The following FBXL13 variants were observed in gnomAD, a reference collection of about 807,000 sequenced individuals.
FBXL13 encodes the protein F-box and leucine rich repeat protein 13.
FBXL13 carries 67 observed loss-of-function variants against 83.6 expected under a neutral mutation model. The observed-to-expected ratio is 0.80, with a 90% CI of 0.66 to 0.98. The LOEUF is 0.98. Among genes scored for constraint, FBXL13 ranks in the 50% least tolerant of loss-of-function variants. FBXL13 has a pLI of 0.00. For synonymous variants in FBXL13, 272 were observed against 299.5 expected (o/e 0.91, Z 0.95); for missense variants, 822 against 866.5 (o/e 0.95, Z 0.64).
chr7:102,842,436 G>C (rs1043761010), intron 17 of FBXL13, among the ~76,000 whole-genome samples: 4 of 152,202 alleles, frequency 2.6e-5, no homozygotes, highest in African/African-American at 9.7e-5. Flanking sequence ...ATGTGTCAAA[G>C]GCTACCAAAA....
At chr7:103,006,195 G>A (rs763960900) in intron 6 of FBXL13, among the ~76,000 whole-genome samples, 3 of 152,192 alleles carry the variant, frequency 2.0e-5, no homozygotes, top group Non-Finnish European at 4.4e-5. Flanking sequence ...AGATCTTGGA[G>A]TTCAAGTTTG....
At chr7:102,835,799 C>T (rs1039688000) in intron 17 of FBXL13, among the ~76,000 whole-genome samples, 8 of 150,968 alleles carry the variant, frequency 5.3e-5, no homozygotes, top group South Asian at 2.1e-4. Flanking sequence ...TTAGTAGAGA[C>T]GGGGTTTCAC....
intron 6 of FBXL13, among the ~76,000 whole-genome samples, chr7:103,003,182 TG>T (rs1254674925): frequency 6.6e-6 from 1 of 152,042 alleles, no homozygotes; most frequent in African/African-American, 2.4e-5. Flanking sequence ...ATTCTGCTAT[TG>T]AGAGCCTCTA....
At chr7:103,039,432 C>T (rs903456026) in intron 2 of FBXL13, among the ~76,000 whole-genome samples, 1 of 152,142 alleles carries the variant, frequency 6.6e-6, no homozygotes, top group Non-Finnish European at 1.5e-5. Flanking sequence ...ACTTCCCTAA[C>T]CTAGCAAGGC....
Position 102,874,260 on chromosome 7 carries a change from G to A in FBXL13, c.1635+3207C>T, listed in dbSNP as rs6963802. On this transcript the variant is annotated intron_variant, in intron 16 of 19. Transcript: ENST00000313221. Reference sequence around the variant, plus strand: ...ACTTACTCAGACCTATAATCAATCAGGCTGGTGTTTAGCTGCCCAAGTTGA... The same window carrying A: ...ACTTACTCAGACCTATAATCAATCAAGCTGGTGTTTAGCTGCCCAAGTTGA... The A allele has an allele frequency of 8.2e-4, 627 of 768,530 alleles. 3 individuals carry two copies. In the African/African-American group the frequency reaches 0.011, roughly 14 times the overall value. The allele number at this position is 768,530 out of a possible 1,614,324, so 47.6% of individuals were successfully genotyped here.
intron 17 of FBXL13, among the ~76,000 whole-genome samples, chr7:102,837,558 A>T (rs1802216938): frequency 6.6e-6 from 1 of 152,148 alleles, no homozygotes; most frequent in African/African-American, 2.4e-5. Context: ...AAATTCTTAT[A>T]AGCTTTTCTT....
chr7:102,975,789 A>G lies in FBXL13; in HGVS notation c.496-7672T>C, dbSNP rs904696194. On this transcript the variant is annotated intron_variant, in intron 6 of 19. Coordinates refer to ENST00000313221, the Ensembl canonical transcript of FBXL13. ...TTGACAACAGCCCTCAAACCCCACAACGAGACTTTCTTAATTTAGCCTTCA... is the reference window on the plus strand; with the variant it reads ...TTGACAACAGCCCTCAAACCCCACAGCGAGACTTTCTTAATTTAGCCTTCA... 4 of 597,374 alleles carry G rather than the reference A, an allele frequency of 6.7e-6. No homozygotes were observed. In the African/African-American group the frequency reaches 7.4e-5, roughly 11 times the overall value. The allele number at this position is 597,374 out of a possible 1,614,324, so 37.0% of individuals were successfully genotyped here.
At chr7:102,921,175 A>G (rs1816938432) in intron 10 of FBXL13, among the ~76,000 whole-genome samples, 1 of 152,148 alleles carries the variant, frequency 6.6e-6, no homozygotes, top group South Asian at 2.1e-4. Context: ...TTCAAGGCAA[A>G]GAAACATCAA....
At chr7:102,822,079 AGTT>A in exon 19 of FBXL13, 1 of 1,614,214 alleles carries the variant, frequency 6.2e-7, no homozygotes, top group Non-Finnish European at 8.5e-7. Flanking sequence ...AAGGATCCGG[AGTT>A]GTTTGCAGCC....
chr7:102,834,971 A>G (rs1284592429), intron 17 of FBXL13, among the ~76,000 whole-genome samples: 2 of 152,052 alleles, frequency 1.3e-5, no homozygotes, highest in East Asian at 1.9e-4. Flanking sequence ...TTTGTCAGTT[A>G]AAAATTTTAA....
chr7:102,985,768 C>T (rs1458699492), intron 6 of FBXL13, among the ~76,000 whole-genome samples: 2 of 152,182 alleles, frequency 1.3e-5, no homozygotes, highest in Admixed American at 6.5e-5. Flanking sequence ...TCAACACAAG[C>T]TCAAGGATGG....
chr7:102,895,638 T>C (rs964566279), intron 11 of FBXL13, among the ~76,000 whole-genome samples: 9 of 152,156 alleles, frequency 5.9e-5, no homozygotes, highest in Non-Finnish European at 8.8e-5. Context: ...CAGTTGAAGA[T>C]ACATGAATCT....
At chr7:102,873,583 T>C (rs1246025741) in intron 16 of FBXL13, among the ~76,000 whole-genome samples, 4 of 152,234 alleles carry the variant, frequency 2.6e-5, no homozygotes, top group Non-Finnish European at 5.9e-5. Flanking sequence ...GTCTAGCAGA[T>C]AGAAGTGAGC....
Position 102,953,153 on chromosome 7 carries a change from C to T in FBXL13, c.724+10380G>A, listed in dbSNP as rs571867785. Among the ~76,000 whole-genome samples the T allele has an allele frequency of 1.4e-3, 208 of 152,190 alleles. 1 individual carries two copies. Among genetic ancestry groups the T allele is most frequent in the Non-Finnish European group, 2.4e-3 (162 of 68,010 alleles). The stretch of plus-strand genomic sequence containing the variant: ...AGGAAAAAATACCTCCTACCTCATT[C>T]GATGAAGCCAATATTATCCTGACAA... On this transcript the variant is annotated intron_variant, in intron 8 of 19. Transcript: ENST00000313221.
At chr7:103,016,248 C>A (rs771641074) in intron 6 of FBXL13, among the ~76,000 whole-genome samples, 1 of 150,656 alleles carries the variant, frequency 6.6e-6, no homozygotes, top group Non-Finnish European at 1.5e-5. Context: ...ATCACATTAC[C>A]CAACTTCAAA....
chr7:102,952,848 G>C (rs1251051501), intron 8 of FBXL13, among the ~76,000 whole-genome samples: 1 of 152,064 alleles, frequency 6.6e-6, no homozygotes, highest in African/African-American at 2.4e-5. Context: ...GCTGGGTGTG[G>C]TGGCACGCAC....
At position 102,878,589 on chromosome 7, in the gene FBXL13, T is replaced by C; in HGVS notation, c.1389-139A>G. 2 of 449,800 alleles carry C rather than the reference T, an allele frequency of 4.4e-6. 1 individual carries two copies. The highest frequency in any genetic ancestry group is 1.7e-4 in the South Asian group (2 of 11,942). 27.9% of individuals were successfully genotyped at this position (449,800 alleles called of 1,614,324 possible). A position where few individuals can be genotyped will look rare whatever the true frequency, so the allele number is the denominator to read the frequency against. ...ATATACTGGTATTTTGTCAATATTT[T>C]AAAACCAAATTTGATTATATAGATT... On this transcript the variant is annotated intron_variant, in intron 14 of 19. Transcript: ENST00000313221.
intron 17 of FBXL13, among the ~76,000 whole-genome samples, chr7:102,851,000 A>C (rs756435737): frequency 9.9e-5 from 15 of 152,244 alleles, no homozygotes; most frequent in Non-Finnish European, 1.6e-4. Context: ...GCTGTCAAAC[A>C]ACCATTCAGA....
intron 1 of FBXL13, among the ~76,000 whole-genome samples, chr7:103,057,194 T>G (rs958424891): frequency 1.3e-5 from 2 of 152,362 alleles, no homozygotes; most frequent in South Asian, 4.1e-4. Flanking sequence ...CATACCCCTC[T>G]GTATTTATTC....
Sources: gnomAD v4.1 joint callset for allele counts (sites outside exome capture counted in the v4.1 genomes callset) on GRCh38, gnomAD v4.1.1 for gene constraint, MANE v1.5 for transcripts, NCBI Gene and HGNC (gene_info 2026-07-23, HGNC 2026-07-21) for gene names.